KANTR: variants seen among roughly 807,000 people sequenced by gnomAD.
KANTR encodes KANTR integral membrane protein.
intron 1 of KANTR, 59 bp from the exon 2 acceptor site, chrX:53,099,413 C>T (rs782214938): frequency 5.4e-5 from 6 of 111,749 alleles, no homozygotes; most frequent in African/African-American, 1.9e-4. Context: ...GCAATTCAGT[C>T]ACTTCTTCAG....
At chrX:53,116,210 G>C (rs1480918054) in intron 2 of KANTR, among the ~76,000 whole-genome samples, 2 of 111,706 alleles carry the variant, frequency 1.8e-5, no homozygotes, top group Non-Finnish European at 3.8e-5. Context: ...GCCAGTGATT[G>C]GTCAGAATGT....
chrX:53,146,507 G>A (rs1198775781), downstream of KANTR, among the ~76,000 whole-genome samples: 1 of 111,944 alleles, frequency 8.9e-6, no homozygotes, highest in Non-Finnish European at 1.9e-5. Context: ...CCAAATCTAC[G>A]TCTGATTGGT....
At chrX:53,143,965 G>A, downstream of KANTR, 1 of 289,896 alleles carries the variant, frequency 3.4e-6, no homozygotes, top group South Asian at 5.2e-5. Context: ...CACGGTGTGG[G>A]GGCTGGTGGC....
At chrX:53,117,609 G>GTTTTTTTT (rs869034016) in intron 2 of KANTR, among the ~76,000 whole-genome samples, 1 of 63,889 alleles carries the variant, frequency 1.6e-5, no homozygotes, top group African/African-American at 6.9e-5. Context: ...GTGTGTGTGT[G>GTTTTTTTT]TTTTTTTTTT....
downstream of KANTR, among the ~76,000 whole-genome samples, chrX:53,129,636 C>T (rs1556816696): frequency 9.1e-6 from 1 of 109,950 alleles, no homozygotes; most frequent in East Asian, 2.8e-4. Context: ...AGTCTACTGT[C>T]ACTCTAATTT....
chrX:53,100,167 T>A (rs1932876679), intron 2 of KANTR, among the ~76,000 whole-genome samples: 2 of 112,210 alleles, frequency 1.8e-5, no homozygotes, highest in Non-Finnish European at 3.8e-5. Flanking sequence ...TCTCCCCATA[T>A]AACGCTGTTT....
chrX:53,136,728 A>G (rs1933429576), intron 2 of KANTR, among the ~76,000 whole-genome samples: 1 of 44,734 alleles, frequency 2.2e-5, no homozygotes, highest in African/African-American at 6.7e-5. Flanking sequence ...ATATATATAT[A>G]TATTTTGTTT....
At chrX:53,136,060 G>A (rs1220732650) in intron 2 of KANTR, among the ~76,000 whole-genome samples, 2 of 111,592 alleles carry the variant, frequency 1.8e-5, no homozygotes, top group Admixed American at 9.5e-5. Context: ...CCACATTAGC[G>A]AACATATGTC....
At chrX:53,118,279 C>T (rs1323148638) in intron 2 of KANTR, among the ~76,000 whole-genome samples, 1 of 111,915 alleles carries the variant, frequency 8.9e-6, no homozygotes, top group Non-Finnish European at 1.9e-5. Flanking sequence ...TATGAGATCC[C>T]GTTGATCCAC....
At position 53,133,125 on chromosome X, in the gene KANTR, C is replaced by G. The variant is rs6654696; in HGVS notation, n.204-8723C>G. Among the ~76,000 whole-genome samples, 459 of 109,886 alleles carry G rather than the reference C, an allele frequency of 4.2e-3. 4 individuals are homozygous for G. The highest frequency in any genetic ancestry group is 0.015 in the African/African-American group (444 of 30,235). Reference sequence around the variant, plus strand: ...GCTCACACCTGTAATCCCAGCACTTCGAAAGGCCGAGGCGGGAAGATTGCT... The same window carrying G: ...GCTCACACCTGTAATCCCAGCACTTGGAAAGGCCGAGGCGGGAAGATTGCT... On this transcript the variant is annotated intron_variant and non_coding_transcript_variant, in intron 2 of 2. Coordinates refer to the KANTR transcript ENST00000366185.
At chrX:53,117,677 A>G (rs1377967012) in intron 2 of KANTR, among the ~76,000 whole-genome samples, 21 of 94,771 alleles carry the variant, frequency 2.2e-4, no homozygotes, top group Non-Finnish European at 2.0e-5. Context: ...GTGCAGTGCA[A>G]TGGTGTGATC....
At chrX:53,129,930 G>A (rs996227605), downstream of KANTR, among the ~76,000 whole-genome samples, 4 of 109,041 alleles carry the variant, frequency 3.7e-5, no homozygotes, top group Non-Finnish European at 7.6e-5. Flanking sequence ...GCAGTGGCGC[G>A]ATCTCATCTC....
chrX:53,101,399 A>G lies in KANTR; in HGVS notation c.-805+1791A>G, dbSNP rs782450426. 4.7e-3 allele frequency among the ~76,000 whole-genome samples: 527 copies of G among 111,383 alleles called. 2 individuals are homozygous for G. The highest frequency in any genetic ancestry group is 0.016 in the African/African-American group (493 of 30,638). ...GGCGGGAGGACTGTGTGAGCCGAGG[A>G]GTTTGAGACCAGCCTGGGCAACATG... On this transcript the variant is annotated intron_variant, in intron 2 of 2. Transcript: ENST00000604062.
At chrX:53,138,752 C>G (rs375729869) in intron 2 of KANTR, among the ~76,000 whole-genome samples, 28 of 107,616 alleles carry the variant, frequency 2.6e-4, no homozygotes, top group African/African-American at 8.7e-4. Context: ...GGCACAGAAA[C>G]AGACAAGTAG....
intron 2 of KANTR, among the ~76,000 whole-genome samples, chrX:53,100,318 T>C (rs1412870812): frequency 7.4e-5 from 8 of 108,435 alleles, no homozygotes; most frequent in African/African-American, 2.7e-4. Context: ...CTGCCTCTAC[T>C]AAAAATACAA....
chrX:53,124,439 C>T (rs1190998310), exon 3 of KANTR: 3 of 294,654 alleles, frequency 1.0e-5, no homozygotes, highest in African/African-American at 5.5e-5. Flanking sequence ...TTAATTTCTG[C>T]TCTTATCTTT....
intron 2 of KANTR, among the ~76,000 whole-genome samples, chrX:53,105,672 T>C (rs1602115098): frequency 9.8e-6 from 1 of 101,778 alleles, no homozygotes; most frequent in African/African-American, 3.6e-5. Flanking sequence ...TTTTTTTTTT[T>C]TGTATTTTAG....
chrX:53,107,956 C>T (rs1335947852), intron 2 of KANTR, among the ~76,000 whole-genome samples: 1 of 109,169 alleles, frequency 9.2e-6, no homozygotes, highest in Non-Finnish European at 1.9e-5. Flanking sequence ...GTGGGGCGCT[C>T]TTGGCTCATT....
At chrX:53,101,327 C>G (rs1297150284) in intron 2 of KANTR, among the ~76,000 whole-genome samples, 1 of 112,101 alleles carries the variant, frequency 8.9e-6, no homozygotes, top group Non-Finnish European at 1.9e-5. Context: ...TGTTGAAGGC[C>G]GGGCGCAATG....
Sources: allele counts gnomAD v4.1 joint callset (sites outside exome capture counted in the v4.1 genomes callset), GRCh38; gene constraint gnomAD v4.1.1; transcripts MANE v1.5; gene names NCBI Gene and HGNC (gene_info 2026-07-23, HGNC 2026-07-21).